DGKB: variants seen among roughly 807,000 people sequenced by gnomAD.
DGKB encodes the protein diacylglycerol kinase beta, also known as 90 kDa diacylglycerol kinase.
DGKB carries 67 observed loss-of-function variants against 114.3 expected under a neutral mutation model. The observed-to-expected ratio is 0.59, with a 90% CI of 0.48 to 0.72. The LOEUF (loss-of-function observed/expected upper bound fraction) is 0.72. Ranked by LOEUF, DGKB falls within the 30% of genes least tolerant of loss-of-function variation. The pLI is 0.00. For synonymous variants in DGKB, 398 were observed against 323.1 expected (o/e 1.23, Z -2.49); for missense variants, 907 against 975.2 (o/e 0.93, Z 0.93).
chr7:14,337,829 A>C (rs187983974), intron 23 of DGKB, among the ~76,000 whole-genome samples: 38 of 152,292 alleles, frequency 2.5e-4, no homozygotes, highest in African/African-American at 7.7e-4. Flanking sequence ...AGTTATCAGA[A>C]TATCACATTG....
At chr7:14,477,462 A>T (rs1168975789) in intron 21 of DGKB, among the ~76,000 whole-genome samples, 1 of 152,220 alleles carries the variant, frequency 6.6e-6, no homozygotes, top group East Asian at 1.9e-4. Context: ...TAATTGAAGC[A>T]AAAGATAATT....
At chr7:14,224,131 C>T (rs1436155459) in intron 23 of DGKB, among the ~76,000 whole-genome samples, 2 of 151,654 alleles carry the variant, frequency 1.3e-5, no homozygotes, top group East Asian at 3.9e-4. Flanking sequence ...CTGCTTCCTC[C>T]TATCTTTATT....
At chr7:14,960,498 T>C (rs1786778850) in intron 1 of DGKB, among the ~76,000 whole-genome samples, 1 of 152,076 alleles carries the variant, frequency 6.6e-6, no homozygotes, top group South Asian at 2.1e-4. Flanking sequence ...AAATAAAATA[T>C]ATTTTGAAAG....
chr7:14,643,475 C>A (rs1812243337), intron 13 of DGKB, among the ~76,000 whole-genome samples: 1 of 152,188 alleles, frequency 6.6e-6, no homozygotes, highest in Non-Finnish European at 1.5e-5. Flanking sequence ...CAAATAGCCC[C>A]TGTATCTCCA....
intron 21 of DGKB, among the ~76,000 whole-genome samples, chr7:14,432,834 T>C (rs1404490494): frequency 6.6e-6 from 1 of 152,182 alleles, no homozygotes; most frequent in Non-Finnish European, 1.5e-5. Flanking sequence ...TTTCCGCTAT[T>C]TAAATGCTCC....
chr7:14,630,127 A>G, intron 14 of DGKB, 109 bp downstream of exon 14: 1 of 602,004 alleles, frequency 1.7e-6, no homozygotes, highest in Non-Finnish European at 2.7e-6. Context: ...AAAATATAAC[A>G]TGCTGGTATT....
chr7:14,590,025 G>C (rs960061086), intron 17 of DGKB, among the ~76,000 whole-genome samples: 87 of 141,056 alleles, frequency 6.2e-4, no homozygotes, highest in African/African-American at 2.2e-3. Context: ...TCGGGGGAGG[G>C]GGGAGGGATA....
intron 21 of DGKB, among the ~76,000 whole-genome samples, chr7:14,393,587 C>G (rs1821770652): frequency 6.6e-6 from 1 of 152,072 alleles, no homozygotes; most frequent in Non-Finnish European, 1.5e-5. Flanking sequence ...AAAAGTTTGC[C>G]AATCCCAGTG....
intron 23 of DGKB, among the ~76,000 whole-genome samples, chr7:14,314,100 A>G (rs1805980563): frequency 6.6e-6 from 1 of 152,176 alleles, no homozygotes; most frequent in Admixed American, 6.5e-5. Context: ...ACTAACAAAC[A>G]GAAAGGACAT....
intron 23 of DGKB, among the ~76,000 whole-genome samples, chr7:14,261,849 C>T (rs1311531730): frequency 6.6e-6 from 1 of 152,072 alleles, no homozygotes; most frequent in Non-Finnish European, 1.5e-5. Context: ...GCTTACATTC[C>T]ATATTTTTCT....
At chr7:14,435,152 C>T (rs1281214549) in intron 21 of DGKB, among the ~76,000 whole-genome samples, 11 of 152,202 alleles carry the variant, frequency 7.2e-5, no homozygotes, top group African/African-American at 2.6e-4. Context: ...TCAACCTCTA[C>T]CTAAATTAAC....
intron 1 of DGKB, among the ~76,000 whole-genome samples, chr7:14,873,886 C>T (rs1303981052): frequency 6.6e-6 from 1 of 151,918 alleles, no homozygotes; most frequent in East Asian, 1.9e-4. Context: ...TTGGTATCCT[C>T]TTTGTAAAAT....
intron 13 of DGKB, among the ~76,000 whole-genome samples, chr7:14,648,652 T>C (rs1011486763): frequency 2.6e-5 from 4 of 152,024 alleles, no homozygotes; most frequent in Admixed American, 6.6e-5. Flanking sequence ...GGAGAATGAC[T>C]TTGACGAGCT....
intron 21 of DGKB, among the ~76,000 whole-genome samples, chr7:14,450,553 G>T (rs1344954508): frequency 2.0e-5 from 3 of 152,050 alleles, no homozygotes; most frequent in Non-Finnish European, 4.4e-5. Flanking sequence ...CAAGAGATTG[G>T]ATATCAGGAT....
rs1782086643 is a variant in DGKB at position 14,475,852 on chromosome 7, ATG to A, written c.1835+2307_1835+2308del. On this transcript the variant is annotated intron_variant, in intron 21 of 25. Coordinates refer to ENST00000402815, the MANE Select transcript of DGKB (RefSeq NM_001350709.2). ...ATTAGTAATAAAAGATTAAATAGAT[ATG>A]TGAATAATAGGAGTCTTTATGAGTA... Among the ~76,000 whole-genome samples the A allele has an allele frequency of 3.3e-5, 5 of 152,162 alleles. No individual in the cohort carries two copies. The South Asian group carries it at 1.0e-3, about 31-fold the overall frequency.
chr7:14,445,134 T>A (rs1328061395), intron 21 of DGKB, among the ~76,000 whole-genome samples: 1 of 151,904 alleles, frequency 6.6e-6, no homozygotes, highest in Admixed American at 6.6e-5. Flanking sequence ...AAGACTTTCA[T>A]CTTTTCTCTC....
chr7:14,781,244 G>A (rs371539376), intron 2 of DGKB, among the ~76,000 whole-genome samples: 7 of 152,160 alleles, frequency 4.6e-5, no homozygotes, highest in African/African-American at 1.7e-4. Context: ...GGTATAAAGT[G>A]CTTTTGTGTA....
intron 25 of DGKB, among the ~76,000 whole-genome samples, chr7:14,152,657 A>G (rs543021742): frequency 6.6e-6 from 1 of 152,212 alleles, no homozygotes; most frequent in Non-Finnish European, 1.5e-5. Context: ...AATACGAAAA[A>G]TGTGGGTTCA....
chr7:14,884,370 T>C (rs771223941), intron 1 of DGKB, among the ~76,000 whole-genome samples: 1 of 151,998 alleles, frequency 6.6e-6, no homozygotes, highest in Non-Finnish European at 1.5e-5. Flanking sequence ...CCTTGAATGA[T>C]TGTGAATTTC....
Sources: allele counts gnomAD v4.1 joint callset (sites outside exome capture counted in the v4.1 genomes callset), GRCh38; gene constraint gnomAD v4.1.1; transcripts MANE v1.5; gene names NCBI Gene and HGNC (gene_info 2026-07-23, HGNC 2026-07-21).